Variants in KCNQ1 observed in about 807,000 individuals in gnomAD.
KCNQ1 encodes the protein potassium voltage-gated channel subfamily KQT member 1.
In KCNQ1, 49 loss-of-function variants were observed where a neutral mutation model predicts 72.4. The ratio of observed to expected loss-of-function variants is 0.68; its 90% CI spans 0.54 to 0.86. KCNQ1 has a LOEUF of 0.86. KCNQ1 is among the 40% of genes least tolerant of loss of function. KCNQ1 has a pLI of 0.00. For missense variants in KCNQ1, 790 were observed against 945.1 expected, an observed-to-expected ratio of 0.84 and a Z score of 2.15; for synonymous variants, 450 against 412.6, an observed-to-expected ratio of 1.09 and a Z score of -1.10.
Position 2,463,053 on chromosome 11 carries a change from C to T in KCNQ1, c.386+17569C>T, listed in dbSNP as rs1033416717. 7.9e-5 allele frequency among the ~76,000 whole-genome samples: 12 copies of T among 152,016 alleles called. No individual in the cohort carries two copies. Among genetic ancestry groups the T allele is most frequent in the South Asian group, 2.1e-4 (1 of 4,822 alleles). ...AGGGAAGTGGGGCCAGTCGGGGGTC[C>T]TCAGGGGTCCTTCAGGGATATACCT... On this transcript the variant is annotated intron_variant, in intron 1 of 15. Transcript: ENST00000155840. This position sits in a 1 kb window ranked among gnomAD's most constrained non-coding sequence, Gnocchi z 7.0.
chr11:2,726,999 G>A (rs566810242), intron 11 of KCNQ1, among the ~76,000 whole-genome samples: 2 of 152,328 alleles, frequency 1.3e-5, no homozygotes, highest in Admixed American at 6.5e-5. Flanking sequence ...CATGGAGGTC[G>A]GCAGCAGGGA....
At chr11:2,631,009 A>G (rs1335193144) in intron 10 of KCNQ1, 1 of 398,388 alleles carries the variant, frequency 2.5e-6, no homozygotes, top group Non-Finnish European at 4.4e-6. Flanking sequence ...TTTCAAAATT[A>G]TCTTGTCTTC....
At position 2,611,698 on chromosome 11, in the gene KCNQ1, C is replaced by T. The variant is rs1215462126; in HGVS notation, c.1393+22844C>T. ...TGCTCTTTATTGAGTTTTTAATTCACTTATATGTAATATAATTATTGATAT... is the reference window on the plus strand; with the variant it reads ...TGCTCTTTATTGAGTTTTTAATTCATTTATATGTAATATAATTATTGATAT... On this transcript the variant is annotated intron_variant, in intron 10 of 15. Coordinates refer to ENST00000155840, the MANE Select transcript of KCNQ1 (RefSeq NM_000218.3). This position sits in a 1 kb window ranked among gnomAD's most constrained non-coding sequence, Gnocchi z 5.3. 7 of 398,396 alleles carry T rather than the reference C, an allele frequency of 1.8e-5. No homozygotes were observed. The highest frequency in any genetic ancestry group is 1.4e-4 in the African/African-American group (7 of 48,606). The allele number at this position is 398,396 out of a possible 1,614,324, so 24.7% of individuals were successfully genotyped here.
In KCNQ1 at chr11:2,769,759, G is replaced by A. The variant is rs163156; in HGVS notation, c.1590+840G>A. Reference sequence around the variant, plus strand: ...GACTTGCCTGAGTCCCTTGGAGCGGGGGGCGTGTGACGTGCTTGAGTGAGT... The same window carrying A: ...GACTTGCCTGAGTCCCTTGGAGCGGAGGGCGTGTGACGTGCTTGAGTGAGT... On this transcript the variant is annotated intron_variant, in intron 12 of 15. Coordinates refer to ENST00000155840, the MANE Select transcript of KCNQ1 (RefSeq NM_000218.3). This position sits in a 1 kb window ranked among gnomAD's most constrained non-coding sequence, Gnocchi z 4.6. Among the ~76,000 whole-genome samples the A allele has an allele frequency of 0.99, 150,966 of 152,144 alleles. 74,907 individuals carry two copies. Among genetic ancestry groups the A allele is most frequent in the Middle Eastern group, 1 (294 of 294 alleles).
intron 15 of KCNQ1, among the ~76,000 whole-genome samples, chr11:2,791,060 C>T (rs532234433): frequency 6.6e-6 from 1 of 152,358 alleles, no homozygotes; most frequent in African/African-American, 2.4e-5. Flanking sequence ...TCCTGAATGA[C>T]TCTATTTATA....
Position 2,450,492 on chromosome 11 carries a change from A to G in KCNQ1, c.386+5008A>G, listed in dbSNP as rs907003167. Among the ~76,000 whole-genome samples the G allele has an allele frequency of 2.0e-5, 3 of 152,244 alleles. No homozygotes were observed. The highest frequency in any genetic ancestry group is 4.1e-4 in the South Asian group (2 of 4,826). On this transcript the variant is annotated intron_variant, in intron 1 of 15. Coordinates refer to ENST00000155840, the MANE Select transcript of KCNQ1 (RefSeq NM_000218.3). The surrounding 1 kb of genome is among the most constrained non-coding windows in gnomAD (Gnocchi z 7.9). Reference sequence around the variant, plus strand: ...ATTTGGTTACAGAGGGGAGGGCGGCAGCGTCTGGCTTCACTCTCGGGAGGT... The same window carrying G: ...ATTTGGTTACAGAGGGGAGGGCGGCGGCGTCTGGCTTCACTCTCGGGAGGT...
In KCNQ1 at chr11:2,715,959, A is replaced by AC. The variant is rs147834679; in HGVS notation, c.1515-52883dup. 0.019 allele frequency among the ~76,000 whole-genome samples: 2,839 copies of AC among 152,124 alleles called. 100 individuals are homozygous for AC. Among genetic ancestry groups the AC allele is most frequent in the African/African-American group, 0.065 (2,690 of 41,512 alleles). The stretch of plus-strand genomic sequence containing the variant: ...AAACCATAAACCTGTCCCCCACGTC[A>AC]CCTCCAAACCCTTTGGGCTGGCCTC... On this transcript the variant is annotated intron_variant, in intron 11 of 15. Coordinates refer to ENST00000155840, the MANE Select transcript of KCNQ1 (RefSeq NM_000218.3). The surrounding 1 kb of genome is among the most constrained non-coding windows in gnomAD (Gnocchi z 4.9).
rs775608046 is a variant in KCNQ1 at position 2,847,857 on chromosome 11, G to A, written c.1885G>A (p.Gly629Ser). The change falls in exon 16 of 16, where the codon GGC becomes AGC. Residue 629 changes from glycine (G) to serine (S), a missense_variant. By Grantham distance (56) the Gly-to-Ser change is moderately conservative. Coordinates refer to ENST00000155840, the MANE Select transcript of KCNQ1 (RefSeq NM_000218.3). Reference protein sequence around the residue: ...LHGGSTPGSGGPPREGGAHIT... With the variant: ...LHGGSTPGSGSPPREGGAHIT... ...CGGTGGCAGCACCCCCGGCAGCGGC[G>A]GCCCCCCCAGAGAGGGCGGGGCCCA... 3.8e-5 allele frequency: 60 copies of A among 1,574,258 alleles called. No homozygotes were observed. The highest frequency in any genetic ancestry group is 8.1e-5 in the African/African-American group (6 of 74,070).
At position 2,768,820 on chromosome 11, in the gene KCNQ1, TCTC is replaced by T; in HGVS notation, c.1515-20_1515-18del. The T allele has an allele frequency of 6.2e-7, 1 of 1,605,796 alleles. No homozygotes were observed. The highest frequency in any genetic ancestry group is 1.7e-4 in the Middle Eastern group (1 of 6,048). Reference sequence around the variant, plus strand: ...ACCAGCACAGGGTGGCCACTCACAATCTCCTCTCCTCTCTCCACTGCAGGCTGC... The same window carrying T: ...ACCAGCACAGGGTGGCCACTCACAATCTCTCCTCTCTCCACTGCAGGCTGC... On this transcript the variant is annotated intron_variant, in intron 11 of 15. Coordinates refer to ENST00000155840, the MANE Select transcript of KCNQ1 (RefSeq NM_000218.3). The surrounding 1 kb of genome is among the most constrained non-coding windows in gnomAD (Gnocchi z 6.7).
chr11:2,568,067 C>T (rs1848271787), intron 2 of KCNQ1, among the ~76,000 whole-genome samples: 1 of 152,016 alleles, frequency 6.6e-6, no homozygotes, highest in South Asian at 2.1e-4. Flanking sequence ...TCAGGAGTTC[C>T]AGACCAGCCT....
chr11:2,776,153 C>A, intron 13 of KCNQ1, 99 bp downstream of exon 13: 1 of 1,059,142 alleles, frequency 9.4e-7, no homozygotes, highest in Non-Finnish European at 1.4e-6. Context: ...GGGGCTGAGA[C>A]CCTGAGTTCT....
intron 2 of KCNQ1, among the ~76,000 whole-genome samples, chr11:2,553,173 T>TTA (rs1554891023): frequency 7.0e-6 from 1 of 142,524 alleles, no homozygotes; most frequent in African/African-American, 2.7e-5. Flanking sequence ...TTTTTTTTTT[T>TTA]TTTGTTTTTT....
At position 2,830,021 on chromosome 11, in the gene KCNQ1, AGGAGGAAGGAGGAG is replaced by A. The variant is rs1564908866; in HGVS notation, c.1795-17739_1795-17726del. On this transcript the variant is annotated intron_variant, in intron 15 of 15. Transcript: ENST00000155840. This position sits in a 1 kb window ranked among gnomAD's most constrained non-coding sequence, Gnocchi z 7.7. ...GAGGGAGGAGGAAGGAGGAGGAAGG[AGGAGGAAGGAGGAG>A]GGAGGAGGAAGGAGGAGGGAGGAGG... 7.1e-4 allele frequency among the ~76,000 whole-genome samples: 64 copies of A among 90,706 alleles called. No individual in the cohort carries two copies. Among genetic ancestry groups the A allele is most frequent in the African/African-American group, 2.2e-3 (56 of 25,428 alleles). 59.5% of individuals were successfully genotyped at this position (90,706 alleles called of 152,430 possible).
In KCNQ1 at chr11:2,461,318, G is replaced by C. The variant is rs565394926; in HGVS notation, c.386+15834G>C. The C allele has an allele frequency of 4.7e-6, 4 of 859,130 alleles. No individual in the cohort carries two copies. In the African/African-American group the frequency reaches 7.1e-5, roughly 15 times the overall value. The allele number at this position is 859,130 out of a possible 1,614,324, so 53.2% of individuals were successfully genotyped here. A position where few individuals can be genotyped will look rare whatever the true frequency, so the allele number is the denominator to read the frequency against. On this transcript the variant is annotated intron_variant, in intron 1 of 15. Coordinates refer to ENST00000155840, the MANE Select transcript of KCNQ1 (RefSeq NM_000218.3). ...TCTCAGGCCGCCTCGCAGCAGATTT[G>C]TAGTCTGGTTGCTGTCGTTCCTGAA...
intron 15 of KCNQ1, among the ~76,000 whole-genome samples, chr11:2,832,027 C>T (rs1435725276): frequency 1.3e-5 from 2 of 152,084 alleles, no homozygotes; most frequent in African/African-American, 4.8e-5. Context: ...ACCTCCACCT[C>T]CAGGCAGCCC....
chr11:2,831,697 C>T (rs1410821989), intron 15 of KCNQ1, among the ~76,000 whole-genome samples: 38 of 149,132 alleles, frequency 2.5e-4, no homozygotes, highest in Middle Eastern at 3.2e-3. Flanking sequence ...CTCCAGCACC[C>T]TTCTCCCCGC....
At chr11:2,533,211 T>C (rs1281339957) in intron 2 of KCNQ1, among the ~76,000 whole-genome samples, 2 of 152,212 alleles carry the variant, frequency 1.3e-5, no homozygotes, top group Non-Finnish European at 2.9e-5. Context: ...AAAGCTGTTA[T>C]CTCAGCACTG....
chr11:2,645,563 C>G lies in KCNQ1; in HGVS notation c.1394-16398C>G. On this transcript the variant is annotated intron_variant, in intron 10 of 15. Transcript: ENST00000155840. The surrounding 1 kb of genome is among the most constrained non-coding windows in gnomAD (Gnocchi z 5.8). ...GTGGGATTGCTTTCAGTGGCAGCAG[C>G]TATAAACAGGCAGTTGGGCAATGCA... 1 of 398,700 alleles carries G rather than the reference C, an allele frequency of 2.5e-6. No homozygotes were observed. Among genetic ancestry groups the G allele is most frequent in the Non-Finnish European group, 4.4e-6 (1 of 226,150 alleles). The allele number at this position is 398,700 out of a possible 1,614,324, so 24.7% of individuals were successfully genotyped here. A position where few individuals can be genotyped will look rare whatever the true frequency, so the allele number is the denominator to read the frequency against.
Position 2,628,152 on chromosome 11 carries a change from G to A in KCNQ1, c.1394-33809G>A, listed in dbSNP as rs549511573. On this transcript the variant is annotated intron_variant, in intron 10 of 15. Transcript: ENST00000155840. ...GACTTTGTTTTCCTTAGATATACCC[G>A]GAACTGAGACTGCTGGATCATATAG... is the stretch of plus-strand genomic sequence containing the variant. 4.5e-4 allele frequency: 178 copies of A among 398,490 alleles called. 2 individuals carry two copies. Among genetic ancestry groups the A allele is most frequent in the Non-Finnish European group, 6.8e-4 (154 of 226,038 alleles). The allele number at this position is 398,490 out of a possible 1,614,324, so 24.7% of individuals were successfully genotyped here. A position where few individuals can be genotyped will look rare whatever the true frequency, so the allele number is the denominator to read the frequency against.
Sources: gnomAD v4.1 joint callset for allele counts (sites outside exome capture counted in the v4.1 genomes callset) on GRCh38, gnomAD v4.1.1 for gene constraint, Gnocchi (gnomAD v3.1) non-coding constraint, MANE v1.5 for transcripts, NCBI Gene and HGNC (gene_info 2026-07-23, HGNC 2026-07-21) for gene names.